Variants in CALCR observed in about 807,000 individuals in gnomAD.
CALCR encodes the protein calcitonin receptor.
A neutral mutation model predicts 59.5 loss-of-function variants in CALCR; 47 were observed. The observed-to-expected ratio is 0.79, with a 90% confidence interval of 0.63 to 1.01. The LOEUF (loss-of-function observed/expected upper bound fraction) is 1.01. Ranked by LOEUF, CALCR falls within the 50% of genes least tolerant of loss-of-function variation. The pLI is 0.00. For synonymous variants in CALCR, 213 were observed against 211.3 expected, an observed-to-expected ratio of 1.01 and a Z score of -0.07; for missense variants, 566 against 597.1, an observed-to-expected ratio of 0.95 and a Z score of 0.54.
At chr7:93,549,724 A>T (rs1789397018) in intron 2 of CALCR, among the ~76,000 whole-genome samples, 1 of 152,236 alleles carries the variant, frequency 6.6e-6, no homozygotes, top group African/African-American at 2.4e-5. Flanking sequence ...CTTATTAAAT[A>T]AAGTTAATGG....
At chr7:93,438,900 G>A (rs1200826826) in intron 9 of CALCR, among the ~76,000 whole-genome samples, 5 of 148,536 alleles carry the variant, frequency 3.4e-5, no homozygotes. Flanking sequence ...CAAAGTGCTA[G>A]TAAAAAAAAA....
At chr7:93,495,240 G>A (rs1801174652) in intron 2 of CALCR, among the ~76,000 whole-genome samples, 2 of 151,282 alleles carry the variant, frequency 1.3e-5, no homozygotes, top group African/African-American at 4.8e-5. Context: ...TGGTACACCA[G>A]GAAGATCACT....
intron 3 of CALCR, among the ~76,000 whole-genome samples, chr7:93,482,286 T>C (rs570740282): frequency 7.2e-5 from 11 of 151,990 alleles, no homozygotes; most frequent in African/African-American, 2.6e-4. Context: ...AATAGAGATA[T>C]TAATTATTGG....
At chr7:93,434,388 TG>T (rs1799727747) in intron 12 of CALCR, 94 bp from the exon 13 acceptor site, 6 of 545,730 alleles carry the variant, frequency 1.1e-5, no homozygotes, top group African/African-American at 2.8e-5. Flanking sequence ...GAAGGCCTGA[TG>T]AAAAAAAAAA....
chr7:93,571,171 G>A (rs1222623690), intron 2 of CALCR, among the ~76,000 whole-genome samples: 1 of 152,062 alleles, frequency 6.6e-6, no homozygotes, highest in African/African-American at 2.4e-5. Context: ...ATTATATGAA[G>A]CTCTGGAAGA....
rs376405097 is a variant in CALCR, at chr7:93,463,752, C to T, written c.522-2805G>A. Among the ~76,000 whole-genome samples the T allele has an allele frequency of 9.9e-5, 15 of 151,864 alleles. 1 individual carries two copies. The highest frequency in any genetic ancestry group is 7.7e-4 in the East Asian group (4 of 5,162). ...ACATTAAAAATCCTCAGTACAAATA[C>T]GTCGCTTAAATGAACATGAGAGAAG... On this transcript the variant is annotated intron_variant, in intron 7 of 13. Coordinates refer to ENST00000426151, the MANE Select transcript of CALCR (RefSeq NM_001742.4).
At chr7:93,447,052 T>G (rs1380082431) in intron 8 of CALCR, among the ~76,000 whole-genome samples, 1 of 152,036 alleles carries the variant, frequency 6.6e-6, no homozygotes, top group Non-Finnish European at 1.5e-5. Context: ...ATATCACTAT[T>G]CAGTGCCCTT....
At chr7:93,459,379 A>G (rs978929682) in intron 8 of CALCR, among the ~76,000 whole-genome samples, 1 of 152,172 alleles carries the variant, frequency 6.6e-6, no homozygotes. Flanking sequence ...TTGCCTTTTT[A>G]TCCTCAAGTT....
At chr7:93,494,624 T>C (rs974709768) in intron 2 of CALCR, among the ~76,000 whole-genome samples, 1 of 151,438 alleles carries the variant, frequency 6.6e-6, no homozygotes, top group African/African-American at 2.4e-5. Context: ...AGCCTGCCTC[T>C]AGTCAGAAAA....
At chr7:93,440,945 G>A (rs1019830324) in intron 9 of CALCR, among the ~76,000 whole-genome samples, 1 of 152,046 alleles carries the variant, frequency 6.6e-6, no homozygotes, top group Non-Finnish European at 1.5e-5. Context: ...GAAGCTTAAG[G>A]TATCACATAA....
At chr7:93,563,700 C>T (rs1454655243) in intron 2 of CALCR, among the ~76,000 whole-genome samples, 1 of 152,160 alleles carries the variant, frequency 6.6e-6, no homozygotes, top group Non-Finnish European at 1.5e-5. Flanking sequence ...ACACAAAATG[C>T]AAAACTGAAA....
intron 13 of CALCR, among the ~76,000 whole-genome samples, chr7:93,433,891 A>C (rs1383009458): frequency 6.6e-6 from 1 of 152,236 alleles, no homozygotes; most frequent in Non-Finnish European, 1.5e-5. Flanking sequence ...GAACTAGTAC[A>C]AACCGAATGG....
chr7:93,537,169 A>G (rs1789014151), intron 2 of CALCR, among the ~76,000 whole-genome samples: 1 of 151,804 alleles, frequency 6.6e-6, no homozygotes, highest in South Asian at 2.1e-4. Flanking sequence ...CATTTTAAAT[A>G]AGCATTCATA....
At chr7:93,489,709 G>A (rs773864690) in intron 2 of CALCR, among the ~76,000 whole-genome samples, 1 of 151,904 alleles carries the variant, frequency 6.6e-6, no homozygotes, top group African/African-American at 2.4e-5. Context: ...ACTAAACCAG[G>A]AAGAAGTTGG....
intron 11 of CALCR, among the ~76,000 whole-genome samples, chr7:93,436,970 A>T (rs1160701616): frequency 6.6e-6 from 1 of 152,154 alleles, no homozygotes; most frequent in Non-Finnish European, 1.5e-5. Flanking sequence ...AGCTCTTTCA[A>T]AATGAGAAAA....
intron 3 of CALCR, among the ~76,000 whole-genome samples, chr7:93,486,412 G>T (rs1034327135): frequency 6.6e-6 from 1 of 151,516 alleles, no homozygotes; most frequent in Admixed American, 6.6e-5. Context: ...TAGAATAATA[G>T]TGGTATATAA....
At chr7:93,509,789 A>G (rs531587507) in intron 2 of CALCR, among the ~76,000 whole-genome samples, 72 of 152,264 alleles carry the variant, frequency 4.7e-4, no homozygotes, top group Middle Eastern at 3.4e-3. Context: ...TGACAATACT[A>G]TATTATGAAA....
At chr7:93,561,328 C>G (rs1046565392) in intron 2 of CALCR, among the ~76,000 whole-genome samples, 2 of 151,954 alleles carry the variant, frequency 1.3e-5, no homozygotes, top group Admixed American at 1.3e-4. Flanking sequence ...CTTGAAAATT[C>G]TTTAAAAACC....
intron 13 of CALCR, 145 bp downstream of exon 13, chr7:93,434,108 T>C (rs1289833399): frequency 1.5e-6 from 1 of 679,148 alleles, no homozygotes; most frequent in African/African-American, 1.8e-5. Context: ...CTTGGAGTAG[T>C]GGAAAAAACA....
Sources: allele counts gnomAD v4.1 joint callset (sites outside exome capture counted in the v4.1 genomes callset), GRCh38; gene constraint gnomAD v4.1.1; transcripts MANE v1.5; gene names NCBI Gene and HGNC (gene_info 2026-07-23, HGNC 2026-07-21).